C1orf141: variants seen among roughly 807,000 people sequenced by gnomAD.
The protein encoded by C1orf141 is chromosome 1 open reading frame 141, also known as uncharacterized protein C1orf141.
In C1orf141, 19 loss-of-function variants were observed where a neutral mutation model predicts 23.2. That is an observed-to-expected ratio of 0.82 (90% CI 0.57 to 1.20). The LOEUF (loss-of-function observed/expected upper bound fraction) is 1.20, where lower values mean the gene tolerates loss of function less well. C1orf141 is among the 50% of genes most tolerant of loss of function. The probability of loss-of-function intolerance (pLI) is 0.00; values close to 1 mark genes in which losing one functional copy is unlikely to be tolerated. For missense variants in C1orf141, 469 were observed against 455.1 expected, an observed-to-expected ratio of 1.03 and a Z score of -0.28; for synonymous variants, 153 against 154.6, an observed-to-expected ratio of 0.99 and a Z score of 0.08.
Position 67,125,953 on chromosome 1 carries a change from C to T in C1orf141, c.76-44G>A, listed in dbSNP as rs1181777322. Reference sequence around the variant, plus strand: ...GAAAAAAAAAAAAAAAAAAAGAGTACTTTTTATATGGGGAAAATCTTAGGT... The same window carrying T: ...GAAAAAAAAAAAAAAAAAAAGAGTATTTTTTATATGGGGAAAATCTTAGGT... On this transcript the variant is annotated intron_variant, in intron 3 of 7. Coordinates refer to ENST00000684719, the MANE Select transcript of C1orf141 (RefSeq NM_001276351.2). 4 of 1,409,474 alleles carry T rather than the reference C, an allele frequency of 2.8e-6. No individual in the cohort carries two copies. The African/African-American group carries it at 6.2e-5, about 22-fold the overall frequency. 87.3% of individuals were successfully genotyped at this position (1,409,474 alleles called of 1,614,324 possible). A position where few individuals can be genotyped will look rare whatever the true frequency, so the allele number is the denominator to read the frequency against.
intron 5 of C1orf141, chr1:67,103,305 GTC>G: frequency 6.7e-7 from 1 of 1,493,784 alleles, no homozygotes; most frequent in Non-Finnish European, 9.0e-7. Flanking sequence ...TAGGAGAAAA[GTC>G]TGTAGAACCC....
intron 6 of C1orf141, chr1:67,095,922 A>C (rs973153871): frequency 1.0e-5 from 2 of 200,876 alleles, no homozygotes; most frequent in Non-Finnish European, 9.9e-6. Context: ...CATTATACAG[A>C]GATGGAAGGG....
chr1:67,118,886 T>A (rs901263049), intron 4 of C1orf141, among the ~76,000 whole-genome samples: 2 of 152,200 alleles, frequency 1.3e-5, no homozygotes, highest in Non-Finnish European at 2.9e-5. Context: ...GATCTTGGAC[T>A]TCCTGGCCTC....
In C1orf141 at chr1:67,133,810, T is replaced by G. The variant is rs750446188; in HGVS notation, c.-104+1120A>C. ...GCGAGGCCTCTGAAGAAAACAACCC[T>G]GCCCACCTCTCCATTTCCAACTTTT... On this transcript the variant is annotated intron_variant, in intron 1 of 7. Coordinates refer to ENST00000684719, the MANE Select transcript of C1orf141 (RefSeq NM_001276351.2). Among the ~76,000 whole-genome samples the G allele has an allele frequency of 7.2e-4, 110 of 152,284 alleles. 1 individual carries two copies. The highest frequency in any genetic ancestry group is 1.3e-3 in the Non-Finnish European group (86 of 68,006).
At chr1:67,093,723 T>G in intron 7 of C1orf141, 119 bp from the exon 8 acceptor site, 1 of 713,782 alleles carries the variant, frequency 1.4e-6, no homozygotes, top group Non-Finnish European at 2.2e-6. Flanking sequence ...ATACAAATAT[T>G]TAATATGAAC....
intron 1 of C1orf141, among the ~76,000 whole-genome samples, chr1:67,134,294 G>A (rs111988176): frequency 0.018 from 2,648 of 149,298 alleles, 90 homozygotes; most frequent in African/African-American, 0.062. Flanking sequence ...GTAAGCCAAC[G>A]CGCCGGCCTG....
At chr1:67,110,572 A>G (rs1646046107) in intron 5 of C1orf141, among the ~76,000 whole-genome samples, 2 of 152,156 alleles carry the variant, frequency 1.3e-5, no homozygotes, top group African/African-American at 4.8e-5. Context: ...GAAGCAGAGA[A>G]TGAAAGGGCT....
At chr1:67,095,202 T>C (rs1389005867) in intron 7 of C1orf141, 33 bp downstream of exon 7, 3 of 1,251,228 alleles carry the variant, frequency 2.4e-6, no homozygotes, top group Admixed American at 2.2e-5. Context: ...TGACTACACA[T>C]ATTTACTTAA....
chr1:67,106,256 A>G (rs1272715023), intron 5 of C1orf141, among the ~76,000 whole-genome samples: 1 of 152,186 alleles, frequency 6.6e-6, no homozygotes, highest in Non-Finnish European at 1.5e-5. Context: ...GAACCAAGAA[A>G]GTGAGACCTA....
intron 5 of C1orf141, among the ~76,000 whole-genome samples, chr1:67,102,307 CGTGTGTGTGTGTGTGTGT>C (rs57508145): frequency 7.9e-5 from 11 of 139,594 alleles, no homozygotes; most frequent in East Asian, 2.1e-4. Context: ...TCTTCTGCTC[CGTGTGTGTGTGTGTGTGT>C]GTGTGTGTGT....
At chr1:67,104,308 G>A (rs1645872605) in intron 5 of C1orf141, among the ~76,000 whole-genome samples, 1 of 152,094 alleles carries the variant, frequency 6.6e-6, no homozygotes, top group Admixed American at 6.6e-5. Flanking sequence ...GAGGTCAACA[G>A]CATAAGCCTG....
intron 5 of C1orf141, among the ~76,000 whole-genome samples, chr1:67,102,139 G>A (rs1450588024): frequency 6.6e-6 from 1 of 152,156 alleles, no homozygotes; most frequent in Admixed American, 6.6e-5. Flanking sequence ...AATCAATTTA[G>A]TGTATCCTGA....
At chr1:67,116,215 G>A (rs1364913028) in intron 4 of C1orf141, among the ~76,000 whole-genome samples, 1 of 152,058 alleles carries the variant, frequency 6.6e-6, no homozygotes, top group Non-Finnish European at 1.5e-5. Context: ...TCCCCTTCCT[G>A]ATCTTCTCCT....
rs985890033 is a variant in C1orf141 at position 67,111,238 on chromosome 1, C to A, written c.346+4114G>T. 5.9e-5 allele frequency among the ~76,000 whole-genome samples: 9 copies of A among 152,076 alleles called. No homozygotes were observed. In the South Asian group the frequency reaches 1.2e-3, roughly 21 times the overall value. On this transcript the variant is annotated intron_variant, in intron 5 of 7. Coordinates refer to ENST00000684719, the MANE Select transcript of C1orf141 (RefSeq NM_001276351.2). ...TCTTGGTTACACATTAAAAGATTAACAAATTGATATATATTTTTATTTAAT... is the reference window on the plus strand; with the variant it reads ...TCTTGGTTACACATTAAAAGATTAAAAAATTGATATATATTTTTATTTAAT...
At chr1:67,100,293 C>T (rs1274888664) in intron 5 of C1orf141, among the ~76,000 whole-genome samples, 1 of 152,092 alleles carries the variant, frequency 6.6e-6, no homozygotes, top group Non-Finnish European at 1.5e-5. Context: ...ATATTTTTGT[C>T]CCCTTACACT....
At chr1:67,129,600 A>G (rs1048739416) in intron 2 of C1orf141, among the ~76,000 whole-genome samples, 1 of 152,192 alleles carries the variant, frequency 6.6e-6, no homozygotes. Context: ...ATCATATGAA[A>G]TGGGTCACTC....
chr1:67,138,936 T>A (rs1206368267), upstream of C1orf141: 1 of 152,332 alleles, frequency 6.6e-6, no homozygotes, highest in Non-Finnish European at 1.5e-5. Context: ...CCCAGACAAT[T>A]TTATTCCGGG....
chr1:67,111,761 C>CA lies in C1orf141; in HGVS notation c.346+3590_346+3591insT, dbSNP rs542982867. On this transcript the variant is annotated intron_variant, in intron 5 of 7. Transcript: ENST00000684719. ...AAATGTAAAAGAATAATTTTATTTA[C>CA]TTACATATGCATTGCTTGTACATGG... The CA allele has an allele frequency of 6.9e-3, 3,147 of 453,316 alleles. 19 individuals are homozygous for CA. The highest frequency in any genetic ancestry group is 0.012 in the Admixed American group (287 of 23,032). 28.1% of individuals were successfully genotyped at this position (453,316 alleles called of 1,614,324 possible).
chr1:67,093,385 C>T lies in C1orf141; in HGVS notation c.823G>A (p.Val275Ile). Residue 275 changes from valine (V) to isoleucine (I), a missense_variant, in exon 8 of 8, where the codon GTA becomes ATA. Around this residue, in one of 3 missense-constraint regions of C1orf141, gnomAD observed 370 missense variants for 348.1 expected, o/e 1.06. Coordinates refer to ENST00000684719, the MANE Select transcript of C1orf141 (RefSeq NM_001276351.2). ...GGGATCTGTATATCTTTTCTCTGTA[C>T]TGTAGGCATAGTTTTTTGGGGTTTG... ...LFKPQKTMPTVQRKDIQIPMS... is the reference protein window; with the variant it reads ...LFKPQKTMPTIQRKDIQIPMS... The T allele has an allele frequency of 1.9e-6, 3 of 1,613,496 alleles. No homozygotes were observed. The highest frequency in any genetic ancestry group is 3.3e-5 in the Admixed American group (2 of 59,948).
Sources: allele counts gnomAD v4.1 joint callset (sites outside exome capture counted in the v4.1 genomes callset), GRCh38; gene constraint gnomAD v4.1.1; regional missense constraint gnomAD v4.1.1; transcripts MANE v1.5; gene names NCBI Gene and HGNC (gene_info 2026-07-23, HGNC 2026-07-21).